Variants in BRPF1 observed in about 807,000 individuals in gnomAD.
BRPF1 encodes peregrin.
BRPF1 carries 15 observed loss-of-function variants against 115.0 expected under a neutral mutation model. That is an observed-to-expected ratio of 0.13 (90% CI 0.09 to 0.20). BRPF1 has a LOEUF of 0.20. Among genes scored for constraint, BRPF1 ranks in the 10% least tolerant of loss-of-function variants. The probability of loss-of-function intolerance (pLI) is 1.00; values close to 1 mark genes in which losing one functional copy is unlikely to be tolerated. For synonymous variants in BRPF1, 647 were observed against 619.8 expected, an observed-to-expected ratio of 1.04 and a Z score of -0.65; for missense variants, 1,118 against 1,638.3, an observed-to-expected ratio of 0.68 and a Z score of 5.48.
Position 9,734,809 on chromosome 3 carries a change from G to A in BRPF1, c.599+70G>A. The A allele has an allele frequency of 6.4e-7, 1 of 1,555,244 alleles. No individual in the cohort carries two copies. The highest frequency in any genetic ancestry group is 8.8e-7 in the Non-Finnish European group (1 of 1,137,302). On this transcript the variant is annotated intron_variant, in intron 2 of 13. Transcript: ENST00000383829. This position sits in a 1 kb window ranked among gnomAD's most constrained non-coding sequence, Gnocchi z 5.7. ...GGGCTCACTAGCCAGAGAGAGGTGA[G>A]AGGCACAGATAGAAGAGTGACAGGA...
chr3:9,735,303 G>A (rs906796509), intron 2 of BRPF1, among the ~76,000 whole-genome samples: 1 of 152,194 alleles, frequency 6.6e-6, no homozygotes, highest in African/African-American at 2.4e-5. Context: ...GTGAGCCACT[G>A]TGCCTGGCCA....
In BRPF1 at chr3:9,734,879, G is replaced by A; in HGVS notation, c.599+140G>A. On this transcript the variant is annotated intron_variant, in intron 2 of 13. Transcript: ENST00000383829. The surrounding 1 kb of genome is among the most constrained non-coding windows in gnomAD (Gnocchi z 5.7). ...CACTGATTTTGCCAGGGCAGTGAGT[G>A]GAATGGTACGCCACTAATGCACTTA... The A allele has an allele frequency of 2.0e-6, 2 of 1,010,320 alleles. No homozygotes were observed. Among genetic ancestry groups the A allele is most frequent in the East Asian group, 2.5e-5 (1 of 39,886 alleles). 62.6% of individuals were successfully genotyped at this position (1,010,320 alleles called of 1,614,324 possible). A position where few individuals can be genotyped will look rare whatever the true frequency, so the allele number is the denominator to read the frequency against.
intron 2 of BRPF1, among the ~76,000 whole-genome samples, chr3:9,738,280 T>C (rs1394156196): frequency 6.6e-6 from 1 of 152,226 alleles, no homozygotes; most frequent in Non-Finnish European, 1.5e-5. Flanking sequence ...TTCTCAAAGC[T>C]TAAGTTTTCT....
Position 9,739,961 on chromosome 3 carries a change from A to AT in BRPF1, c.1559+4dup. Reference sequence around the variant, plus strand: ...GTGCCCTGCATCCCACCACACAGGTATGTGGGGAGCCGGTGGACAGGCAGA... The same window carrying AT: ...GTGCCCTGCATCCCACCACACAGGTATTGTGGGGAGCCGGTGGACAGGCAGA... On this transcript the variant is annotated splice_donor_region_variant and intron_variant, in intron 3 of 13. Transcript: ENST00000383829. 1 of 1,564,630 alleles carries AT rather than the reference A, an allele frequency of 6.4e-7. No individual in the cohort carries two copies. The highest frequency in any genetic ancestry group is 8.7e-7 in the Non-Finnish European group (1 of 1,153,122).
chr3:9,744,425 G>C lies in BRPF1; in HGVS notation c.2837G>C (p.Arg946Pro). Reference protein sequence around the residue: ...PPQLPIMSSLRQRKRGRSPRP... With the variant: ...PPQLPIMSSLPQRKRGRSPRP... ...CAGCTCCCCATCATGAGTTCCCTGC[G>C]TCAGCGCAAGCGGGGTAGGAGCCCC... The change falls in exon 9 of 14, where the codon CGT becomes CCT. Residue 946 changes from arginine to proline, a missense_variant. Arg to Pro is a moderately radical substitution (Grantham distance 103). Transcript: ENST00000383829. The C allele has an allele frequency of 2.5e-6, 4 of 1,611,340 alleles. No homozygotes were observed. Among genetic ancestry groups the C allele is most frequent in the South Asian group, 1.1e-5 (1 of 90,736 alleles).
intron 2 of BRPF1, among the ~76,000 whole-genome samples, chr3:9,735,391 T>C (rs1311646955): frequency 2.0e-5 from 3 of 152,246 alleles, no homozygotes; most frequent in Non-Finnish European, 2.9e-5. Context: ...ATAGCTGTAC[T>C]GTTTCCACTG....
Position 9,743,980 on chromosome 3 carries a change from C to A in BRPF1, c.2635+79C>A. On this transcript the variant is annotated intron_variant, in intron 8 of 13. Transcript: ENST00000383829. This position sits in a 1 kb window ranked among gnomAD's most constrained non-coding sequence, Gnocchi z 6.1. ...AGCACACACTCAACCCCTGCCATTC[C>A]CCAGGCAGAGGTCCCTCCTACACAG... 1 of 1,463,384 alleles carries A rather than the reference C, an allele frequency of 6.8e-7. No individual in the cohort carries two copies. Among genetic ancestry groups the A allele is most frequent in the Non-Finnish European group, 9.1e-7 (1 of 1,096,650 alleles). 90.6% of individuals were successfully genotyped at this position (1,463,384 alleles called of 1,614,324 possible). A position where few individuals can be genotyped will look rare whatever the true frequency, so the allele number is the denominator to read the frequency against.
At chr3:9,735,226 T>C (rs962270568) in intron 2 of BRPF1, among the ~76,000 whole-genome samples, 1 of 152,128 alleles carries the variant, frequency 6.6e-6, no homozygotes, top group Admixed American at 6.5e-5. Flanking sequence ...TTGCCTAGGC[T>C]AGTCTTGAAT....
intron 9 of BRPF1, among the ~76,000 whole-genome samples, chr3:9,744,712 C>T (rs937973342): frequency 1.3e-5 from 2 of 152,236 alleles, no homozygotes; most frequent in Non-Finnish European, 2.9e-5. Flanking sequence ...CCATCCAGGG[C>T]CCCCTGCCTC....
chr3:9,744,056 C>T (rs1475735034), intron 8 of BRPF1, among the ~76,000 whole-genome samples, 155 bp downstream of exon 8: 1 of 152,220 alleles, frequency 6.6e-6, no homozygotes, highest in East Asian at 1.9e-4. Context: ...TTAGCTGCCT[C>T]TCTGGCTATT....
Position 9,743,053 on chromosome 3 carries a change from A to G in BRPF1, c.2111A>G (p.Asn704Ser), listed in dbSNP as rs767439975. The change falls in exon 7 of 14, where the codon AAC (asparagine) becomes AGC (serine). Residue 704 changes from asparagine to serine, a missense_variant. This residue lies in a region of BRPF1 where 178 missense variants were observed against 303.7 expected (regional missense o/e 0.59). Coordinates refer to ENST00000383829, the MANE Select transcript of BRPF1 (RefSeq NM_001003694.2). This position sits in a 1 kb window ranked among gnomAD's most constrained non-coding sequence, Gnocchi z 6.1. ...LNFDDFEEDF[N>S]LIVSNCLKYN... is the part of the protein sequence containing the mutation. ...TTTGATGATTTTGAGGAGGACTTCA[A>G]CCTCATCGTCAGCAACTGCCTCAAG... 7.4e-6 allele frequency: 12 copies of G among 1,614,028 alleles called. No individual in the cohort carries two copies. Among genetic ancestry groups the G allele is most frequent in the East Asian group, 2.2e-5 (1 of 44,898 alleles).
chr3:9,734,561 A>T lies in BRPF1; in HGVS notation c.421A>T (p.Thr141Ser). ...TGGCAGCAACAAGGAGAACACTGAG[A>T]CACCAGCTGCTACTCCCAAGTCAGG... ...ENGSNKENTETPAATPKSGKH... is the reference protein window; with the variant it reads ...ENGSNKENTESPAATPKSGKH... The change falls in exon 2 of 14, where the codon ACA becomes TCA. Residue 141 changes from threonine to serine, a missense_variant. By Grantham distance (58) the Thr-to-Ser change is moderately conservative. Transcript: ENST00000383829. This position sits in a 1 kb window ranked among gnomAD's most constrained non-coding sequence, Gnocchi z 5.7. 6.2e-7 allele frequency: 1 copy of T among 1,614,188 alleles called. No homozygotes were observed. Among genetic ancestry groups the T allele is most frequent in the Non-Finnish European group, 8.5e-7 (1 of 1,180,034 alleles).
chr3:9,732,522 C>G (rs754122891), intron 1 of BRPF1: 2 of 152,232 alleles, frequency 1.3e-5, no homozygotes, highest in Non-Finnish European at 2.9e-5. Context: ...CACGGGCTTT[C>G]TGGTCTAAGT....
intron 1 of BRPF1, chr3:9,733,099 TG>T (rs1258956161): frequency 6.6e-6 from 1 of 152,228 alleles, no homozygotes; most frequent in Non-Finnish European, 1.5e-5. Flanking sequence ...GATGTGTGAG[TG>T]GGTGAACAGC....
intron 2 of BRPF1, among the ~76,000 whole-genome samples, chr3:9,736,091 G>T (rs532856264): frequency 7.8e-6 from 1 of 128,938 alleles, no homozygotes; most frequent in Admixed American, 9.9e-5. Context: ...GGCTCACTGC[G>T]ACCTCCACTG....
chr3:9,738,893 C>T, intron 2 of BRPF1, 106 bp from the exon 3 acceptor site: 1 of 1,019,636 alleles, frequency 9.8e-7, no homozygotes, highest in Non-Finnish European at 1.4e-6. Flanking sequence ...GACAACACAT[C>T]TGAAGGGCAT....
Position 9,745,199 on chromosome 3 carries a change from C to A in BRPF1, c.3068+44C>A, listed in dbSNP as rs922081886. 5 of 1,599,182 alleles carry A rather than the reference C, an allele frequency of 3.1e-6. No individual in the cohort carries two copies. The highest frequency in any genetic ancestry group is 4.3e-6 in the Non-Finnish European group (5 of 1,173,566). On this transcript the variant is annotated intron_variant, in intron 10 of 13. Coordinates refer to ENST00000383829, the MANE Select transcript of BRPF1 (RefSeq NM_001003694.2). This position sits in a 1 kb window ranked among gnomAD's most constrained non-coding sequence, Gnocchi z 5.1. The stretch of plus-strand genomic sequence containing the variant: ...GAGGCCAACCTCAGGGGATGCCCTT[C>A]CAGGGCTCTTGGGCCTGTGTAGGTT...
intron 13 of BRPF1, among the ~76,000 whole-genome samples, chr3:9,746,876 G>A (rs2077135392): frequency 1.3e-5 from 2 of 152,230 alleles, no homozygotes; most frequent in Admixed American, 6.5e-5. Flanking sequence ...TTCAATGTCA[G>A]TAAAGTCTGC....
chr3:9,732,001 G>T lies in BRPF1; in HGVS notation c.-148G>T, dbSNP rs572539845. 1.3e-5 allele frequency: 2 copies of T among 152,542 alleles called. No homozygotes were observed. Among genetic ancestry groups the T allele is most frequent in the East Asian group, 3.9e-4 (2 of 5,180 alleles). 9.4% of individuals were successfully genotyped at this position (152,542 alleles called of 1,614,324 possible). Reference sequence around the variant, plus strand: ...CCGGGACCAAAGCGTGGGGCGGCAGGGGGCCGGGGTGGCGAGGTCTACGGT... The same window carrying T: ...CCGGGACCAAAGCGTGGGGCGGCAGTGGGCCGGGGTGGCGAGGTCTACGGT... On this transcript the variant is annotated 5_prime_UTR_variant, in exon 1 of 14. Coordinates refer to ENST00000383829, the MANE Select transcript of BRPF1 (RefSeq NM_001003694.2).
Sources: gnomAD v4.1 joint callset for allele counts (sites outside exome capture counted in the v4.1 genomes callset) on GRCh38, gnomAD v4.1.1 for gene constraint, gnomAD v4.1.1 regional missense constraint, Gnocchi (gnomAD v3.1) non-coding constraint, MANE v1.5 for transcripts, NCBI Gene and HGNC (gene_info 2026-07-23, HGNC 2026-07-21) for gene names.